Variants in DNAH3 observed in about 807,000 individuals in gnomAD.
The protein encoded by DNAH3 is dynein axonemal heavy chain 3.
Under a neutral mutation model 432.5 loss-of-function variants are expected in DNAH3, and 332 were observed. The observed-to-expected ratio is 0.77, with a 90% CI of 0.70 to 0.84. The LOEUF is 0.84. Ranked by LOEUF, DNAH3 falls within the 40% of genes least tolerant of loss-of-function variation. DNAH3 has a pLI of 0.00. For synonymous variants in DNAH3, 1,956 were observed against 1,900.2 expected (o/e 1.03, Z -0.76); for missense variants, 4,861 against 5,114.0 (o/e 0.95, Z 1.51).
chr16:21,054,403 G>A lies in DNAH3; in HGVS notation c.4039+17C>T. On this transcript the variant is annotated intron_variant, in intron 28 of 61. Transcript: ENST00000261383. ...TCCTGGATAGTCAGTAATGACAGGG[G>A]AAGCCCCCTGGCTTACCGTGGACAT... The A allele has an allele frequency of 6.3e-6, 10 of 1,584,586 alleles. No individual in the cohort carries two copies. Among genetic ancestry groups the A allele is most frequent in the Non-Finnish European group, 8.7e-6 (10 of 1,153,278 alleles).
rs898646147 is a variant in DNAH3 at position 21,062,495 on chromosome 16, G to A, written c.3707C>T (p.Pro1236Leu). The A allele has an allele frequency of 7.4e-6, 12 of 1,613,986 alleles. No homozygotes were observed. Among genetic ancestry groups the A allele is most frequent in the Admixed American group, 6.7e-5 (4 of 60,004 alleles). The stretch of plus-strand genomic sequence containing the variant: ...AAGAGGAGTTACCTTGGCATTAGCT[G>A]GGTAGATTTTCTGTATGAATGGAAC... The change falls in exon 25 of 62, where the codon CCA becomes CTA. Residue 1236 changes from proline to leucine, a missense_variant. Transcript: ENST00000261383.
At chr16:20,952,574 G>GC (rs761220984) in intron 55 of DNAH3, 25 bp from the exon 56 acceptor site, 4 of 1,426,214 alleles carry the variant, frequency 2.8e-6, no homozygotes, top group Non-Finnish European at 4.0e-6. Context: ...GCAGAGAGAG[G>GC]CTTCAGTGCT....
intron 9 of DNAH3, among the ~76,000 whole-genome samples, chr16:21,123,694 C>T (rs542304322): frequency 1.9e-3 from 290 of 152,216 alleles, no homozygotes; most frequent in African/African-American, 6.6e-3. Flanking sequence ...AATGTGCACA[C>T]GGCATAAAAT....
Position 20,964,504 on chromosome 16 carries a change from A to G in DNAH3, c.9380T>C (p.Ile3127Thr), listed in dbSNP as rs765500432. ...ATCCAGCTCTTCTCCAATGTTTTCA[A>G]TCAAGACAGGGGTGCCTAACTGCAG... The change falls in exon 53 of 62, where the codon ATT becomes ACT. Residue 3127 changes from isoleucine (I) to threonine (T), a missense_variant. Transcript: ENST00000261383. 9.9e-6 allele frequency: 16 copies of G among 1,614,152 alleles called. No homozygotes were observed. The East Asian group carries it at 3.1e-4, about 31-fold the overall frequency.
intron 58 of DNAH3, among the ~76,000 whole-genome samples, chr16:20,943,672 A>G (rs2152569572): frequency 6.6e-6 from 1 of 152,304 alleles, no homozygotes; most frequent in South Asian, 2.1e-4. Context: ...CAGCAACATC[A>G]TCTGGGAAGA....
chr16:21,085,788 GC>G (rs2091350397), intron 19 of DNAH3, among the ~76,000 whole-genome samples: 1 of 151,776 alleles, frequency 6.6e-6, no homozygotes, highest in Non-Finnish European at 1.5e-5. Context: ...CTTATACGTG[GC>G]TTTTTTGTCC....
chr16:20,980,681 C>T (rs1263661689), intron 49 of DNAH3, among the ~76,000 whole-genome samples: 1 of 152,112 alleles, frequency 6.6e-6, no homozygotes, highest in South Asian at 2.1e-4. Context: ...AAACACCATG[C>T]CCAGCCAATT....
At chr16:21,002,611 G>A (rs970422095) in intron 42 of DNAH3, among the ~76,000 whole-genome samples, 20 of 152,106 alleles carry the variant, frequency 1.3e-4, no homozygotes, top group African/African-American at 2.9e-4. Context: ...ACAGGCATGC[G>A]CCACCACGCC....
intron 35 of DNAH3, 54 bp downstream of exon 35, chr16:21,036,660 G>C: frequency 3.9e-6 from 6 of 1,540,016 alleles, no homozygotes; most frequent in Non-Finnish European, 5.3e-6. Context: ...TTTACTGTTT[G>C]CTGACTTCAG....
intron 16 of DNAH3, among the ~76,000 whole-genome samples, chr16:21,099,279 T>C (rs571403377): frequency 1.7e-4 from 26 of 151,922 alleles, no homozygotes; most frequent in Admixed American, 6.6e-4. Context: ...GATGGACAGA[T>C]GGATGGATGG....
At chr16:20,988,831 A>G (rs774110739) in intron 44 of DNAH3, among the ~76,000 whole-genome samples, 8 of 151,384 alleles carry the variant, frequency 5.3e-5, no homozygotes, top group Non-Finnish European at 1.0e-4. Context: ...ATGTGTTCGG[A>G]GTTTTTTCCT....
intron 37 of DNAH3, among the ~76,000 whole-genome samples, chr16:21,028,661 A>G (rs915746725): frequency 2.0e-5 from 3 of 151,896 alleles, no homozygotes. Context: ...CTCAAAAAAA[A>G]AAAAAAGAAA....
intron 1 of DNAH3, among the ~76,000 whole-genome samples, chr16:21,154,341 G>A (rs2092885131): frequency 6.6e-6 from 1 of 151,970 alleles, no homozygotes; most frequent in African/African-American, 2.4e-5. Context: ...GGAGGTGGAG[G>A]TTGCAGTAAG....
intron 31 of DNAH3, 124 bp downstream of exon 31, chr16:21,049,445 G>A: frequency 8.6e-6 from 6 of 696,354 alleles, no homozygotes; most frequent in Non-Finnish European, 1.5e-5. Context: ...CTGAGTACCT[G>A]CTTTGGAGGT....
At chr16:20,996,524 A>G (rs767502702) in intron 44 of DNAH3, among the ~76,000 whole-genome samples, 12 of 152,074 alleles carry the variant, frequency 7.9e-5, no homozygotes, top group Non-Finnish European at 1.5e-4. Flanking sequence ...CAGTGGTGCC[A>G]TCTCGGCTCA....
chr16:21,006,686 TTG>T (rs938002458), intron 41 of DNAH3, among the ~76,000 whole-genome samples: 1 of 152,086 alleles, frequency 6.6e-6, no homozygotes, highest in Non-Finnish European at 1.5e-5. Context: ...AAAAAAGTGT[TTG>T]TGTGTGTGTG....
intron 50 of DNAH3, 101 bp from the exon 51 acceptor site, chr16:20,975,516 T>TATG (rs2152648442): frequency 8.9e-7 from 1 of 1,127,376 alleles, no homozygotes; most frequent in East Asian, 2.4e-5. Context: ...AAGCAGAAAA[T>TATG]ATGTACTAAT....
intron 27 of DNAH3, among the ~76,000 whole-genome samples, chr16:21,055,261 G>T (rs1191858900): frequency 6.6e-6 from 1 of 152,028 alleles, no homozygotes; most frequent in Non-Finnish European, 1.5e-5. Flanking sequence ...TTGCCATGTT[G>T]GCCAGGCTGG....
intron 57 of DNAH3, among the ~76,000 whole-genome samples, chr16:20,947,784 T>C (rs2152573067): frequency 6.6e-6 from 1 of 152,176 alleles, no homozygotes; most frequent in East Asian, 1.9e-4. Flanking sequence ...TTTTTGTTTG[T>C]TTGTTTGTTT....
Sources: gnomAD v4.1 joint callset for allele counts (sites outside exome capture counted in the v4.1 genomes callset) on GRCh38, gnomAD v4.1.1 for gene constraint, MANE v1.5 for transcripts, NCBI Gene and HGNC (gene_info 2026-07-23, HGNC 2026-07-21) for gene names.